Variants in NFASC observed in about 807,000 individuals in gnomAD.
NFASC encodes the protein neurofascin, also known as neurofascin homolog.
Under a neutral mutation model 147.5 loss-of-function variants are expected in NFASC, and 43 were observed. The ratio of observed to expected loss-of-function variants is 0.29; its 90% CI spans 0.23 to 0.38. The LOEUF is 0.38. Among genes scored for constraint, NFASC ranks in the 10% least tolerant of loss-of-function variants. NFASC has a pLI of 1.00. For missense variants in NFASC, 1,320 were observed against 1,689.0 expected (o/e 0.78, Z 3.83); for synonymous variants, 622 against 665.5 (o/e 0.93, Z 1.01).
intron 1 of NFASC, among the ~76,000 whole-genome samples, chr1:204,839,714 G>T (rs1265820997): frequency 1.3e-5 from 2 of 152,200 alleles, no homozygotes; most frequent in African/African-American, 4.8e-5. Context: ...AGGGACATTG[G>T]GGAAGAGGGC....
At position 204,928,950 on chromosome 1, in the gene NFASC, A is replaced by T. The variant is rs143099300; in HGVS notation, c.-91+8210A>T. Among the ~76,000 whole-genome samples the T allele has an allele frequency of 1.2e-3, 190 of 152,318 alleles. 1 individual carries two copies. Among genetic ancestry groups the T allele is most frequent in the African/African-American group, 4.4e-3 (183 of 41,570 alleles). On this transcript the variant is annotated intron_variant, in intron 2 of 29. Transcript: ENST00000339876. ...CATTAGATCTTCATGGTGGTCACCT[A>T]GAGGGAAAAGTCCCTTTCTTCTTTC...
In NFASC at chr1:204,987,591, C is replaced by T. The variant is rs1302729965; in HGVS notation, c.2593+51C>T. Reference sequence around the variant, plus strand: ...TAGATAATCTGGGAACCAGAAACCCCATTCTCACCACTTTTCCTAAGGACT... The same window carrying T: ...TAGATAATCTGGGAACCAGAAACCCTATTCTCACCACTTTTCCTAAGGACT... On this transcript the variant is annotated intron_variant, in intron 22 of 29. Transcript: ENST00000339876. This position sits in a 1 kb window ranked among gnomAD's most constrained non-coding sequence, Gnocchi z 4.4. 1.1e-5 allele frequency: 17 copies of T among 1,606,070 alleles called. No homozygotes were observed. Among genetic ancestry groups the T allele is most frequent in the Non-Finnish European group, 1.4e-5 (17 of 1,173,820 alleles).
rs1318769986 is a variant in NFASC at position 204,851,047 on chromosome 1, TA to T, written c.-200+22273del. ...ATGACACATCAAGATGTTTCAGTAC[TA>T]AAAAAAAGTGATAATTATATCTGAA... On this transcript the variant is annotated intron_variant, in intron 1 of 29. Transcript: ENST00000339876. 9.2e-5 allele frequency among the ~76,000 whole-genome samples: 14 copies of T among 152,064 alleles called. No homozygotes were observed. In the East Asian group the frequency reaches 1.7e-3, roughly 19 times the overall value.
intron 8 of NFASC, among the ~76,000 whole-genome samples, chr1:204,963,472 A>G (rs1216385954): frequency 6.6e-6 from 1 of 152,218 alleles, no homozygotes; most frequent in Non-Finnish European, 1.5e-5. Flanking sequence ...ACTTTATGTA[A>G]GATAAGCCAT....
rs143559501 is a variant in NFASC, at chr1:205,011,710, G to A, written c.3422-1087G>A. On this transcript the variant is annotated intron_variant, in intron 28 of 29. Transcript: ENST00000339876. The stretch of plus-strand genomic sequence containing the variant: ...CTTCATTCAGTCACTAATTAGTTAC[G>A]TGACATGCTCTTCAACTCTCAACGG... Among the ~76,000 whole-genome samples, 500 of 152,308 alleles carry A rather than the reference G, an allele frequency of 3.3e-3. 3 individuals carry two copies. The highest frequency in any genetic ancestry group is 0.011 in the African/African-American group (476 of 41,556).
chr1:204,958,930 C>T (rs879830317), intron 8 of NFASC, among the ~76,000 whole-genome samples: 34 of 152,238 alleles, frequency 2.2e-4, no homozygotes, highest in Non-Finnish European at 2.4e-4. Context: ...CGTTCTCTTC[C>T]TTCCTCCCTA....
intron 8 of NFASC, among the ~76,000 whole-genome samples, chr1:204,961,541 A>G (rs2094668268): frequency 6.6e-6 from 1 of 152,260 alleles, no homozygotes; most frequent in African/African-American, 2.4e-5. Flanking sequence ...CTCCAGTGAC[A>G]CATGTTGCTG....
chr1:204,946,268 T>C (rs1320968021), intron 3 of NFASC: 1 of 493,020 alleles, frequency 2.0e-6, no homozygotes, highest in Non-Finnish European at 4.1e-6. Context: ...CACCAGGAAG[T>C]GAGCTAAGTG....
chr1:204,974,997 T>C (rs2095363693), intron 14 of NFASC, among the ~76,000 whole-genome samples, 174 bp downstream of exon 14: 1 of 152,156 alleles, frequency 6.6e-6, no homozygotes, highest in African/African-American at 2.4e-5. Context: ...CCAAAGAGAA[T>C]TAGGAAGGGA....
At chr1:204,973,226 C>T (rs1342135959) in intron 11 of NFASC, 50 bp from the exon 12 acceptor site, 2 of 1,605,708 alleles carry the variant, frequency 1.2e-6, no homozygotes, top group Non-Finnish European at 1.7e-6. Flanking sequence ...AAGTGCCCTT[C>T]ACCCTGCCCT....
intron 1 of NFASC, among the ~76,000 whole-genome samples, chr1:204,898,447 C>A (rs757849065): frequency 6.6e-6 from 1 of 152,180 alleles, no homozygotes; most frequent in Non-Finnish European, 1.5e-5. Context: ...CTGTATAGAT[C>A]GCTCTTTTTA....
In NFASC at chr1:204,951,993, C is replaced by T; in HGVS notation, c.110-18C>T. 1 of 1,610,282 alleles carries T rather than the reference C, an allele frequency of 6.2e-7. No individual in the cohort carries two copies. Among genetic ancestry groups the T allele is most frequent in the Non-Finnish European group, 8.5e-7 (1 of 1,176,746 alleles). On this transcript the variant is annotated intron_variant, in intron 4 of 29. Transcript: ENST00000339876. ...AGGTCCCTGCAGCCCTGACCATGCT[C>T]CCTGTGCACTGTTGCAGTGACGCAG...
rs898797518 is a variant in NFASC at position 205,018,770 on chromosome 1, A to G, written c.*2231A>G. On this transcript the variant is annotated 3_prime_UTR_variant, in exon 30 of 30. Coordinates refer to ENST00000339876, the MANE Select transcript of NFASC (RefSeq NM_001005388.3). ...GAGCAGAGTAGTCAGTTTCTCAGAC[A>G]CTCATTCCATACTGCACCGTACATG... 1.3e-5 allele frequency: 2 copies of G among 152,428 alleles called. No homozygotes were observed. The highest frequency in any genetic ancestry group is 6.3e-3 in the Middle Eastern group (2 of 318). The allele number at this position is 152,428 out of a possible 1,614,324, so 9.4% of individuals were successfully genotyped here. A position where few individuals can be genotyped will look rare whatever the true frequency, so the allele number is the denominator to read the frequency against.
intron 1 of NFASC, among the ~76,000 whole-genome samples, chr1:204,869,124 G>A (rs2077361159): frequency 6.6e-6 from 1 of 152,214 alleles, no homozygotes; most frequent in Non-Finnish European, 1.5e-5. Flanking sequence ...AGGCCAGATG[G>A]GGGCTAGATG....
Position 205,018,482 on chromosome 1 carries a change from G to A in NFASC, c.*1943G>A, listed in dbSNP as rs974724993. 7 of 152,708 alleles carry A rather than the reference G, an allele frequency of 4.6e-5. No homozygotes were observed. Among genetic ancestry groups the A allele is most frequent in the Non-Finnish European group, 1.0e-4 (7 of 68,060 alleles). 9.5% of individuals were successfully genotyped at this position (152,708 alleles called of 1,614,324 possible). A position where few individuals can be genotyped will look rare whatever the true frequency, so the allele number is the denominator to read the frequency against. ...AGCCCAGAACTGAGCCAATAAGGTT[G>A]TTTGAACCTGAGAGTGTGTAATGGT... On this transcript the variant is annotated 3_prime_UTR_variant, in exon 30 of 30. Transcript: ENST00000339876.
chr1:204,955,802 CTA>C (rs1237346482), intron 7 of NFASC, among the ~76,000 whole-genome samples: 1 of 152,142 alleles, frequency 6.6e-6, no homozygotes, highest in Non-Finnish European at 1.5e-5. Flanking sequence ...ATCCATCAAC[CTA>C]TATCTCCACC....
At position 204,921,840 on chromosome 1, in the gene NFASC, G is replaced by GT. The variant is rs560152804; in HGVS notation, c.-91+1111dup. 4.9e-3 allele frequency among the ~76,000 whole-genome samples: 718 copies of GT among 147,830 alleles called. 5 individuals are homozygous for GT. Among genetic ancestry groups the GT allele is most frequent in the African/African-American group, 0.014 (565 of 40,632 alleles). On this transcript the variant is annotated intron_variant, in intron 2 of 29. Coordinates refer to ENST00000339876, the MANE Select transcript of NFASC (RefSeq NM_001005388.3). ...TCATATCAATGGCAATTCAGATATA[G>GT]TTTTTTTTTTTATCAAGGTAGTTTC... is the stretch of plus-strand genomic sequence containing the variant.
intron 1 of NFASC, among the ~76,000 whole-genome samples, chr1:204,883,764 G>A (rs1191607597): frequency 6.6e-6 from 1 of 152,176 alleles, no homozygotes; most frequent in Non-Finnish European, 1.5e-5. Context: ...GGATTGGCAG[G>A]GCAGCTTCCA....
intron 16 of NFASC, chr1:204,977,143 G>A: frequency 8.9e-7 from 1 of 1,129,606 alleles, no homozygotes; most frequent in South Asian, 3.9e-5. Flanking sequence ...CATCCTTAAA[G>A]CAAGACTGAG....
Sources: allele counts gnomAD v4.1 joint callset (sites outside exome capture counted in the v4.1 genomes callset), GRCh38; gene constraint gnomAD v4.1.1; non-coding constraint Gnocchi (gnomAD v3.1); transcripts MANE v1.5; gene names NCBI Gene and HGNC (gene_info 2026-07-23, HGNC 2026-07-21).